The following TBC1D1 variants were observed in gnomAD, a reference collection of about 807,000 sequenced individuals.
The protein encoded by TBC1D1 is TBC1 (tre-2/USP6, BUB2, cdc16) domain family, member 1.
In TBC1D1, 89 loss-of-function variants were observed where a neutral mutation model predicts 125.6. The observed-to-expected ratio is 0.71, with a 90% CI of 0.60 to 0.85. The LOEUF is 0.85. Ranked by LOEUF, TBC1D1 falls within the 40% of genes least tolerant of loss-of-function variation. The pLI, the probability that TBC1D1 is intolerant of heterozygous loss-of-function variation, is 0.00. For synonymous variants in TBC1D1, 565 were observed against 564.1 expected, an observed-to-expected ratio of 1.00 and a Z score of -0.02; for missense variants, 1,377 against 1,469.2, an observed-to-expected ratio of 0.94 and a Z score of 1.03.
At chr4:38,056,611 C>T (rs907972041) in intron 12 of TBC1D1, among the ~76,000 whole-genome samples, 9 of 152,268 alleles carry the variant, frequency 5.9e-5, no homozygotes, top group African/African-American at 2.2e-4. Flanking sequence ...GAGTTCGAGG[C>T]CACCCTTGGC....
intron 1 of TBC1D1, among the ~76,000 whole-genome samples, chr4:37,895,099 GGTTCAAAT>G (rs1714263564): frequency 6.6e-6 from 1 of 152,214 alleles, no homozygotes; most frequent in African/African-American, 2.4e-5. Context: ...AAAGGGCCTG[GGTTCAAAT>G]CCCGATTCTG....
intron 17 of TBC1D1, among the ~76,000 whole-genome samples, chr4:38,121,788 G>A (rs1431831037): frequency 6.6e-6 from 1 of 152,114 alleles, no homozygotes; most frequent in African/African-American, 2.4e-5. Flanking sequence ...TAATTGGTTT[G>A]GGGCAGTGGG....
At position 38,014,774 on chromosome 4, in the gene TBC1D1, T is replaced by G. The variant is rs10501; in HGVS notation, c.683T>G (p.Val228Gly). The G allele has an allele frequency of 0.46, 714,177 of 1,552,666 alleles. 163,014 individuals are homozygous for G. Among genetic ancestry groups the G allele is most frequent in the East Asian group, 0.73 (31,695 of 43,240 alleles). ...GCGCCCACAGGGAGCCAGGAGCCTG[T>G]GCGCAGGCCCATGCGCAAGTCCTTC... The change falls in exon 3 of 20, where the codon GTG becomes GGG. Residue 228 changes from valine (V) to glycine (G), a missense_variant. Physicochemically the swap from Val to Gly is moderately radical, Grantham distance 109. This residue lies in a region of TBC1D1 where 822 missense variants were observed against 824.6 expected (regional missense o/e 1.00). Transcript: ENST00000261439. This position sits in a 1 kb window ranked among gnomAD's most constrained non-coding sequence, Gnocchi z 5.1.
intron 2 of TBC1D1, among the ~76,000 whole-genome samples, chr4:38,010,456 C>T (rs1484448432): frequency 6.6e-6 from 1 of 152,212 alleles, no homozygotes; most frequent in African/African-American, 2.4e-5. Flanking sequence ...GTGAGCTGCT[C>T]ATGTCCAGCT....
chr4:37,957,270 A>G (rs2152327107), intron 2 of TBC1D1, among the ~76,000 whole-genome samples: 1 of 152,364 alleles, frequency 6.6e-6, no homozygotes, highest in Non-Finnish European at 1.5e-5. Flanking sequence ...ATTCTTCACA[A>G]TCATTAAAGT....
At chr4:37,939,036 T>A (rs1197488846) in intron 2 of TBC1D1, among the ~76,000 whole-genome samples, 1 of 152,260 alleles carries the variant, frequency 6.6e-6, no homozygotes. Context: ...TTTGGGTATA[T>A]ACCCAGTAAT....
Position 38,014,423 on chromosome 4 carries a change from G to A in TBC1D1, c.418-86G>A, listed in dbSNP as rs1742176942. On this transcript the variant is annotated intron_variant, in intron 2 of 19. Transcript: ENST00000261439. This position sits in a 1 kb window ranked among gnomAD's most constrained non-coding sequence, Gnocchi z 5.1. ...TGCTCCGCAGTGGAGTAGCCAGCGG[G>A]GCGTCCCGAAAGAGCATGGTGCATT... The A allele has an allele frequency of 1.5e-6, 2 of 1,354,884 alleles. No individual in the cohort carries two copies. Among genetic ancestry groups the A allele is most frequent in the Non-Finnish European group, 2.1e-6 (2 of 970,688 alleles). 83.9% of individuals were successfully genotyped at this position (1,354,884 alleles called of 1,614,324 possible). A position where few individuals can be genotyped will look rare whatever the true frequency, so the allele number is the denominator to read the frequency against.
At chr4:38,017,065 G>A (rs113091816) in intron 3 of TBC1D1, among the ~76,000 whole-genome samples, 1 of 151,702 alleles carries the variant, frequency 6.6e-6, no homozygotes, top group African/African-American at 2.4e-5. Flanking sequence ...CCATGGGGAA[G>A]GAGAGGGATC....
chr4:38,093,248 G>A (rs1282520159), intron 13 of TBC1D1, among the ~76,000 whole-genome samples: 1 of 152,102 alleles, frequency 6.6e-6, no homozygotes, highest in African/African-American at 2.4e-5. Context: ...AAAGAATTTA[G>A]AAGGATGTGT....
At chr4:37,898,216 T>C (rs1301014331) in intron 1 of TBC1D1, among the ~76,000 whole-genome samples, 1 of 152,148 alleles carries the variant, frequency 6.6e-6, no homozygotes, top group Non-Finnish European at 1.5e-5. Context: ...CTTACGGTCT[T>C]CTTGAGGGAC....
intron 12 of TBC1D1, among the ~76,000 whole-genome samples, chr4:38,072,952 C>CT (rs928091140): frequency 1.3e-5 from 2 of 152,032 alleles, no homozygotes; most frequent in African/African-American, 2.4e-5. Flanking sequence ...GGATTTCTCT[C>CT]TTTTTTTTCC....
At chr4:38,054,709 C>T (rs762439626) in intron 12 of TBC1D1, among the ~76,000 whole-genome samples, 1 of 152,170 alleles carries the variant, frequency 6.6e-6, no homozygotes, top group African/African-American at 2.4e-5. Flanking sequence ...TTAAAAACTT[C>T]AGAGCAGGAA....
At chr4:37,988,804 A>G (rs1403826606) in intron 2 of TBC1D1, among the ~76,000 whole-genome samples, 1 of 152,204 alleles carries the variant, frequency 6.6e-6, no homozygotes, top group Non-Finnish European at 1.5e-5. Context: ...AGGGCATTCC[A>G]GAGAAACCTG....
chr4:37,965,471 T>C (rs191209513), intron 2 of TBC1D1, among the ~76,000 whole-genome samples: 10 of 152,338 alleles, frequency 6.6e-5, no homozygotes, highest in Admixed American at 3.3e-4. Context: ...CAGTAAGTAC[T>C]CAGCGGATAT....
intron 2 of TBC1D1, among the ~76,000 whole-genome samples, chr4:37,910,354 A>G (rs1040022081): frequency 1.3e-5 from 2 of 152,196 alleles, no homozygotes; most frequent in African/African-American, 2.4e-5. Flanking sequence ...CTGAAATGAG[A>G]TATGCTGTAA....
chr4:37,958,431 G>A (rs1729326977), intron 2 of TBC1D1, among the ~76,000 whole-genome samples: 1 of 152,094 alleles, frequency 6.6e-6, no homozygotes, highest in Non-Finnish European at 1.5e-5. Flanking sequence ...ATTTTTCCTC[G>A]TAGCCATGCT....
At chr4:37,984,805 T>C (rs1361037154) in intron 2 of TBC1D1, among the ~76,000 whole-genome samples, 5 of 149,996 alleles carry the variant, frequency 3.3e-5, no homozygotes, top group African/African-American at 1.2e-4. Flanking sequence ...ATTGTGCCAC[T>C]GCACTTAGCC....
At chr4:37,952,106 G>A (rs754015738) in intron 2 of TBC1D1, 22 of 716,634 alleles carry the variant, frequency 3.1e-5, no homozygotes, top group Non-Finnish European at 5.7e-5. Context: ...TGTCAGCAAC[G>A]TGAAGCTTGC....
intron 12 of TBC1D1, among the ~76,000 whole-genome samples, chr4:38,078,346 A>G (rs1755953129): frequency 6.6e-6 from 1 of 152,204 alleles, no homozygotes; most frequent in South Asian, 2.1e-4. Context: ...GAACTTTTTT[A>G]AAAGGGAAGT....
Sources: gnomAD v4.1 joint callset for allele counts (sites outside exome capture counted in the v4.1 genomes callset) on GRCh38, gnomAD v4.1.1 for gene constraint, gnomAD v4.1.1 regional missense constraint, Gnocchi (gnomAD v3.1) non-coding constraint, MANE v1.5 for transcripts, NCBI Gene and HGNC (gene_info 2026-07-23, HGNC 2026-07-21) for gene names.